PARD3B: variants seen among roughly 807,000 people sequenced by gnomAD.
The protein encoded by PARD3B is par-3 family cell polarity regulator beta.
In PARD3B, 103 loss-of-function variants were observed where a neutral mutation model predicts 130.2. That is an observed-to-expected ratio of 0.79 (90% CI 0.67 to 0.93). The LOEUF (loss-of-function observed/expected upper bound fraction) is 0.93, where lower values mean the gene tolerates loss of function less well. Ranked by LOEUF, PARD3B falls within the 40% of genes least tolerant of loss-of-function variation. The pLI, the probability that PARD3B is intolerant of heterozygous loss-of-function variation, is 0.00. For missense variants in PARD3B, 1,609 were observed against 1,499.2 expected (o/e 1.07, Z -1.21); for synonymous variants, 583 against 553.2 (o/e 1.05, Z -0.76).
At chr2:204,717,282 T>C (rs559448002) in intron 2 of PARD3B, among the ~76,000 whole-genome samples, 1 of 152,228 alleles carries the variant, frequency 6.6e-6, no homozygotes, top group Admixed American at 6.5e-5. Flanking sequence ...ATTAAAATAT[T>C]TTTAACTCTT....
At chr2:205,391,539 A>G (rs7600366) in intron 18 of PARD3B, among the ~76,000 whole-genome samples, 6,055 of 152,354 alleles carry the variant, frequency 0.04, 386 homozygotes, top group African/African-American at 0.14. Context: ...ATCTATTTCC[A>G]TAATGTTCCT....
At chr2:205,506,250 T>A (rs1575190363) in intron 21 of PARD3B, among the ~76,000 whole-genome samples, 1 of 152,274 alleles carries the variant, frequency 6.6e-6, no homozygotes, top group Middle Eastern at 3.4e-3. Flanking sequence ...GGAAAATCAC[T>A]TGAACCCGGG....
At position 205,585,900 on chromosome 2, in the gene PARD3B, C is replaced by G. The variant is rs563952505; in HGVS notation, c.3261-29556C>G. Among the ~76,000 whole-genome samples, 2 of 152,302 alleles carry G rather than the reference C, an allele frequency of 1.3e-5. No homozygotes were observed. Among genetic ancestry groups the G allele is most frequent in the South Asian group, 4.1e-4 (2 of 4,824 alleles). The stretch of plus-strand genomic sequence containing the variant: ...GTCTGGTGGTCACGGGAACCCACAT[C>G]TTACATTCAACAGAGCAGCCTACGT... On this transcript the variant is annotated intron_variant, in intron 22 of 22. Coordinates refer to ENST00000406610, the MANE Select transcript of PARD3B (RefSeq NM_001302769.2). The surrounding 1 kb of genome is among the most constrained non-coding windows in gnomAD (Gnocchi z 5.4).
chr2:204,761,810 A>G (rs992528351), intron 2 of PARD3B, among the ~76,000 whole-genome samples: 1 of 152,106 alleles, frequency 6.6e-6, no homozygotes, highest in African/African-American at 2.4e-5. Context: ...GATTTATCTG[A>G]CATGTAAATA....
chr2:204,562,515 A>G (rs1412237736), intron 1 of PARD3B, among the ~76,000 whole-genome samples: 3 of 152,196 alleles, frequency 2.0e-5, no homozygotes, highest in East Asian at 3.8e-4. Flanking sequence ...GTGTGAGCTA[A>G]GAGTCATCCT....
chr2:204,571,397 T>C (rs748143548), intron 1 of PARD3B, among the ~76,000 whole-genome samples: 56 of 152,340 alleles, frequency 3.7e-4, no homozygotes, highest in Middle Eastern at 3.4e-3. Context: ...TAAGTACTAA[T>C]AACTTTTACA....
At chr2:205,224,012 C>G (rs1298262147) in intron 15 of PARD3B, among the ~76,000 whole-genome samples, 2 of 145,970 alleles carry the variant, frequency 1.4e-5, no homozygotes, top group African/African-American at 2.5e-5. Context: ...TACAGTGAGC[C>G]AAGATCACAC....
chr2:205,165,519 A>T (rs1205647212), intron 11 of PARD3B, among the ~76,000 whole-genome samples: 1 of 152,050 alleles, frequency 6.6e-6, no homozygotes, highest in Admixed American at 6.5e-5. Context: ...GCTTATTACA[A>T]TAAGCCTGAC....
intron 1 of PARD3B, among the ~76,000 whole-genome samples, chr2:204,576,810 C>G (rs180683248): frequency 6.6e-6 from 1 of 152,106 alleles, no homozygotes; most frequent in African/African-American, 2.4e-5. Flanking sequence ...TTCAGGCACA[C>G]TCATGAGAGG....
intron 4 of PARD3B, among the ~76,000 whole-genome samples, chr2:205,061,749 T>C (rs1700076909): frequency 6.6e-6 from 1 of 151,710 alleles, no homozygotes; most frequent in Admixed American, 6.6e-5. Context: ...AAATGCATAC[T>C]GAGTGTCTTT....
chr2:205,238,847 AAAATAT>A lies in PARD3B; in HGVS notation c.2141-6929_2141-6924del, dbSNP rs1369830865. On this transcript the variant is annotated intron_variant, in intron 15 of 22. Transcript: ENST00000406610. ...AAAAACTCCGTTTCAAAAAAAAAAA[AAAATAT>A]ATATATATATATATATATATATATG... is the stretch of plus-strand genomic sequence containing the variant. 6.8e-5 allele frequency among the ~76,000 whole-genome samples: 5 copies of A among 73,586 alleles called. 1 individual carries two copies. The highest frequency in any genetic ancestry group is 9.2e-5 in the Non-Finnish European group (4 of 43,638). 48.3% of individuals were successfully genotyped at this position (73,586 alleles called of 152,430 possible).
At chr2:205,603,485 A>G in intron 22 of PARD3B, among the ~76,000 whole-genome samples, 1 of 152,176 alleles carries the variant, frequency 6.6e-6, no homozygotes, top group East Asian at 1.9e-4. Context: ...GTGGGAGTCC[A>G]AGTCTCTTTG....
chr2:205,468,038 T>C (rs1198017596), intron 20 of PARD3B, among the ~76,000 whole-genome samples: 2 of 152,238 alleles, frequency 1.3e-5, no homozygotes, highest in Non-Finnish European at 2.9e-5. Flanking sequence ...CCAAGTGGGC[T>C]GAGCTAGACC....
intron 20 of PARD3B, among the ~76,000 whole-genome samples, chr2:205,472,100 T>C (rs1412346075): frequency 2.0e-5 from 3 of 152,238 alleles, no homozygotes; most frequent in South Asian, 2.1e-4. Context: ...GATTTCATTC[T>C]CCTGTACTGG....
chr2:205,572,034 T>C lies in PARD3B; in HGVS notation c.3260+18631T>C, dbSNP rs367815941. 3.0e-4 allele frequency among the ~76,000 whole-genome samples: 46 copies of C among 152,324 alleles called. No homozygotes were observed. The South Asian group carries it at 8.9e-3, about 30-fold the overall frequency. On this transcript the variant is annotated intron_variant, in intron 22 of 22. Transcript: ENST00000406610. This position sits in a 1 kb window ranked among gnomAD's most constrained non-coding sequence, Gnocchi z 4.2. ...TTGGAGCAGTCGAGCTGTGGAGTTA[T>C]TTTGTTTATTGTTCTGAAGTTCTAT...
intron 1 of PARD3B, among the ~76,000 whole-genome samples, chr2:204,648,437 T>C (rs1346748275): frequency 1.3e-5 from 2 of 149,814 alleles, no homozygotes; most frequent in East Asian, 1.9e-4. Context: ...AAAGGTGTTA[T>C]GAACATTCAT....
rs578223927 is a variant in PARD3B at position 205,229,357 on chromosome 2, T to G, written c.2141-16421T>G. ...TTCGGCCCCTGCAACCATAACTGCA[T>G]TAGGGGGCACCCCAAGCCCAGTAAT... On this transcript the variant is annotated intron_variant, in intron 15 of 22. Coordinates refer to ENST00000406610, the MANE Select transcript of PARD3B (RefSeq NM_001302769.2). This position sits in a 1 kb window ranked among gnomAD's most constrained non-coding sequence, Gnocchi z 5.2. 3.9e-5 allele frequency among the ~76,000 whole-genome samples: 6 copies of G among 152,140 alleles called. No individual in the cohort carries two copies. Among genetic ancestry groups the G allele is most frequent in the Non-Finnish European group, 8.8e-5 (6 of 68,002 alleles).
rs1575107972 is a variant in PARD3B, at chr2:205,473,038, C to T, written c.3045-26858C>T. 6.6e-6 allele frequency among the ~76,000 whole-genome samples: 1 copy of T among 152,104 alleles called. No individual in the cohort carries two copies. Among genetic ancestry groups the T allele is most frequent in the African/African-American group, 2.4e-5 (1 of 41,434 alleles). On this transcript the variant is annotated intron_variant, in intron 20 of 22. Coordinates refer to ENST00000406610, the MANE Select transcript of PARD3B (RefSeq NM_001302769.2). The surrounding 1 kb of genome is among the most constrained non-coding windows in gnomAD (Gnocchi z 4.9). ...GACCAAAAATAGAAGTTGAAGTGGT[C>T]CATTTGAGCTAGAAGCTTGGCAATT...
rs192125184 is a variant in PARD3B at position 204,868,824 on chromosome 2, G to T, written c.223-96328G>T. Among the ~76,000 whole-genome samples the T allele has an allele frequency of 7.2e-5, 11 of 152,260 alleles. No individual in the cohort carries two copies. The East Asian group carries it at 2.1e-3, about 29-fold the overall frequency. ...TGAGTGGGACTAGTTAAGTTGAGAC[G>T]ATCTGTCTGGACTCTGCATTTGTGG... On this transcript the variant is annotated intron_variant, in intron 2 of 22. Transcript: ENST00000406610.
Sources: allele counts gnomAD v4.1 joint callset (sites outside exome capture counted in the v4.1 genomes callset), GRCh38; gene constraint gnomAD v4.1.1; non-coding constraint Gnocchi (gnomAD v3.1); transcripts MANE v1.5; gene names NCBI Gene and HGNC (gene_info 2026-07-23, HGNC 2026-07-21).